CAPZA1: variants seen among roughly 807,000 people sequenced by gnomAD.
The protein encoded by CAPZA1 is F-actin-capping protein subunit alpha-1.
In CAPZA1, 10 loss-of-function variants were observed where a neutral mutation model predicts 40.8. That is an observed-to-expected ratio of 0.25 (90% CI 0.15 to 0.42). The LOEUF is 0.42. Among genes scored for constraint, CAPZA1 ranks in the 10% least tolerant of loss-of-function variants. The probability of loss-of-function intolerance (pLI) is 1.00; values close to 1 mark genes in which losing one functional copy is unlikely to be tolerated. For missense variants in CAPZA1, 277 were observed against 353.8 expected (o/e 0.78, Z 1.74); for synonymous variants, 98 against 115.0 (o/e 0.85, Z 0.95).
chr1:112,656,849 C>T (rs530883915), intron 5 of CAPZA1, among the ~76,000 whole-genome samples: 16 of 151,868 alleles, frequency 1.1e-4, no homozygotes, highest in Non-Finnish European at 2.4e-4. Flanking sequence ...TTTCATTGTC[C>T]TCTGACAGGC....
chr1:112,641,205 C>A (rs567000247), intron 1 of CAPZA1, among the ~76,000 whole-genome samples: 157 of 143,230 alleles, frequency 1.1e-3, no homozygotes, highest in African/African-American at 3.9e-3. Flanking sequence ...GAGAAACACC[C>A]AAGAATGATC....
chr1:112,636,435 T>C (rs1671021292), intron 1 of CAPZA1, among the ~76,000 whole-genome samples: 2 of 152,210 alleles, frequency 1.3e-5, no homozygotes, highest in Admixed American at 6.5e-5. Context: ...GAACAAAATA[T>C]AATTAATTTT....
chr1:112,649,411 T>C lies in CAPZA1; in HGVS notation c.104-7T>C. The C allele has an allele frequency of 6.2e-7, 1 of 1,609,678 alleles. No homozygotes were observed. ...CCACTGAACATTGTAACATTTTTCC[T>C]CCTCAGACGTTCGGCTACTACTTAA... On this transcript the variant is annotated splice_region_variant and splice_polypyrimidine_tract_variant and intron_variant, in intron 2 of 9. Coordinates refer to ENST00000263168, the MANE Select transcript of CAPZA1 (RefSeq NM_006135.3).
intron 4 of CAPZA1, among the ~76,000 whole-genome samples, chr1:112,654,247 G>A (rs1671455073): frequency 6.6e-6 from 1 of 151,914 alleles, no homozygotes. Context: ...ACCAAGAAAT[G>A]AATATTATTA....
chr1:112,658,924 G>T, intron 5 of CAPZA1, 98 bp from the exon 6 acceptor site: 1 of 855,050 alleles, frequency 1.2e-6, no homozygotes, highest in Non-Finnish European at 2.0e-6. Flanking sequence ...GTGATTCTTT[G>T]TCTCCCCCAA....
At chr1:112,656,304 GT>G in intron 5 of CAPZA1, among the ~76,000 whole-genome samples, 1 of 152,126 alleles carries the variant, frequency 6.6e-6, no homozygotes, top group South Asian at 2.1e-4. Flanking sequence ...GGAAATAATT[GT>G]TTTTATCTCA....
intron 7 of CAPZA1, among the ~76,000 whole-genome samples, chr1:112,662,442 A>G (rs1406361175): frequency 1.0e-4 from 12 of 118,262 alleles, no homozygotes; most frequent in African/African-American, 3.8e-4. Flanking sequence ...TCTGTTGCCC[A>G]GGATGGAGTG....
intron 1 of CAPZA1, chr1:112,620,319 C>G (rs1013422485): frequency 5.1e-5 from 8 of 156,038 alleles, no homozygotes; most frequent in Non-Finnish European, 8.6e-5. Context: ...ACTTCCTGGT[C>G]AGGATGGCCT....
Position 112,654,460 on chromosome 1 carries a change from G to C in CAPZA1, c.220-5G>C. ...TTACTCATATGTTTAATGATTCTTT[G>C]GAAGGTCTTAATTACAGAGCACGGT... On this transcript the variant is annotated splice_polypyrimidine_tract_variant and splice_region_variant and intron_variant, in intron 4 of 9. Transcript: ENST00000263168. The C allele has an allele frequency of 6.3e-7, 1 of 1,589,866 alleles. No individual in the cohort carries two copies.
At chr1:112,669,513 T>A (rs1420529013) in intron 8 of CAPZA1, 30 bp from the exon 9 acceptor site, 2 of 1,533,110 alleles carry the variant, frequency 1.3e-6, no homozygotes, top group East Asian at 2.2e-5. Context: ...AAAAAAAATC[T>A]GATTTTCCCC....
At chr1:112,634,184 C>G (rs923897087) in intron 1 of CAPZA1, among the ~76,000 whole-genome samples, 3 of 152,094 alleles carry the variant, frequency 2.0e-5, no homozygotes, top group Non-Finnish European at 4.4e-5. Context: ...AGAATAACAT[C>G]CTGTACATAT....
chr1:112,667,230 C>A, intron 8 of CAPZA1, 85 bp downstream of exon 8: 2 of 938,496 alleles, frequency 2.1e-6, no homozygotes, highest in Non-Finnish European at 3.3e-6. Context: ...GCTGATTCTG[C>A]CAGTAGAAAT....
intron 1 of CAPZA1, among the ~76,000 whole-genome samples, chr1:112,626,422 C>T (rs1292903211): frequency 6.7e-6 from 1 of 149,042 alleles, no homozygotes; most frequent in Non-Finnish European, 1.5e-5. Context: ...AGTGAGATCC[C>T]GGTCTCTACC....
intron 1 of CAPZA1, among the ~76,000 whole-genome samples, chr1:112,624,605 C>CA (rs34860716): frequency 0.48 from 26,744 of 55,826 alleles, 7,712 homozygotes; most frequent in Non-Finnish European, 0.51. Flanking sequence ...AAAACTCCAT[C>CA]AAAAAAAAAA....
chr1:112,627,636 C>CAAAAAAAAAAAAAAAA (rs3034524), intron 1 of CAPZA1, among the ~76,000 whole-genome samples: 1 of 50,764 alleles, frequency 2.0e-5, no homozygotes, highest in African/African-American at 8.2e-5. Context: ...GACTCTGTCT[C>CAAAAAAAAAAAAAAAA]AAAAAAAAAA....
intron 1 of CAPZA1, among the ~76,000 whole-genome samples, chr1:112,638,069 G>A (rs1358110720): frequency 2.0e-5 from 3 of 152,128 alleles, no homozygotes; most frequent in African/African-American, 7.2e-5. Flanking sequence ...AGCAGTAAAA[G>A]GGCTAGAATT....
At chr1:112,649,555 G>C in intron 3 of CAPZA1, 86 bp downstream of exon 3, 1 of 1,086,830 alleles carries the variant, frequency 9.2e-7, no homozygotes, top group Non-Finnish European at 1.4e-6. Flanking sequence ...TGAAAACAAA[G>C]TTTAAAATAC....
rs1373080016 is a variant in CAPZA1 at position 112,670,302 on chromosome 1, T to C, written c.*170T>C. The C allele has an allele frequency of 4.7e-6, 3 of 638,880 alleles. No homozygotes were observed. The highest frequency in any genetic ancestry group is 7.9e-6 in the Non-Finnish European group (3 of 377,810). 39.6% of individuals were successfully genotyped at this position (638,880 alleles called of 1,614,324 possible). A position where few individuals can be genotyped will look rare whatever the true frequency, so the allele number is the denominator to read the frequency against. On this transcript the variant is annotated 3_prime_UTR_variant, in exon 10 of 10. Transcript: ENST00000263168. ...GAACCTATAGCGTTGTCTTGATTCT[T>C]TTGTGTTCTCTGCCTTGTAATTTTC... is the stretch of plus-strand genomic sequence containing the variant.
chr1:112,645,152 C>T (rs1160582654), intron 1 of CAPZA1, among the ~76,000 whole-genome samples: 1 of 152,102 alleles, frequency 6.6e-6, no homozygotes, highest in Non-Finnish European at 1.5e-5. Context: ...TGAGCAGAAG[C>T]AAATCTACTC....
Sources: allele counts gnomAD v4.1 joint callset (sites outside exome capture counted in the v4.1 genomes callset), GRCh38; gene constraint gnomAD v4.1.1; transcripts MANE v1.5; gene names NCBI Gene and HGNC (gene_info 2026-07-23, HGNC 2026-07-21).